Variants in DIAPH2 observed in about 807,000 individuals in gnomAD.
The protein encoded by DIAPH2 is protein diaphanous homolog 2.
DIAPH2 carries 35 observed loss-of-function variants against 92.7 expected under a neutral mutation model. The ratio of observed to expected loss-of-function variants is 0.38; its 90% CI spans 0.29 to 0.50. The LOEUF is 0.50. Ranked by LOEUF, DIAPH2 falls within the 20% of genes least tolerant of loss-of-function variation. The probability of loss-of-function intolerance (pLI) is 0.94; values close to 1 mark genes in which losing one functional copy is unlikely to be tolerated. For missense variants in DIAPH2, 701 were observed against 819.5 expected, an observed-to-expected ratio of 0.86 and a Z score of 1.77; for synonymous variants, 301 against 280.4, an observed-to-expected ratio of 1.07 and a Z score of -0.73.
intron 17 of DIAPH2, among the ~76,000 whole-genome samples, chrX:97,042,390 T>C (rs975498803): frequency 8.9e-6 from 1 of 111,981 alleles, no homozygotes; most frequent in Non-Finnish European, 1.9e-5. Context: ...GCTTCTGATT[T>C]ATGTTTTCAT....
Position 97,597,256 on chromosome X carries a change from G to A in DIAPH2, c.3242-1997G>A, listed in dbSNP as rs749388800. Among the ~76,000 whole-genome samples, 7 of 112,226 alleles carry A rather than the reference G, an allele frequency of 6.2e-5. No individual in the cohort carries two copies. In the South Asian group the frequency reaches 2.6e-3, roughly 42 times the overall value. ...TAATTCTGTTTTGTGCATGTCAAAAGCTGGATTTAGGCCCTGAACTCAATG... is the reference window on the plus strand; with the variant it reads ...TAATTCTGTTTTGTGCATGTCAAAAACTGGATTTAGGCCCTGAACTCAATG... On this transcript the variant is annotated intron_variant, in intron 26 of 26. Coordinates refer to ENST00000324765, the MANE Select transcript of DIAPH2 (RefSeq NM_006729.5).
At chrX:96,804,319 C>A (rs2064607087) in intron 4 of DIAPH2, among the ~76,000 whole-genome samples, 1 of 111,517 alleles carries the variant, frequency 9.0e-6, no homozygotes, top group Non-Finnish European at 1.9e-5. Context: ...TTTAAATATC[C>A]AAAGTAAAAC....
At chrX:97,135,094 C>G (rs1024333226) in intron 21 of DIAPH2, among the ~76,000 whole-genome samples, 4 of 111,700 alleles carry the variant, frequency 3.6e-5, no homozygotes, top group African/African-American at 1.3e-4. Context: ...GTGGGTGAGA[C>G]TAGTTGTGTA....
At chrX:97,348,388 AT>A (rs928992188) in intron 24 of DIAPH2, 108 bp downstream of exon 24, 10 of 649,396 alleles carry the variant, frequency 1.5e-5, no homozygotes, top group African/African-American at 8.7e-5. Context: ...TTCATGTGAC[AT>A]TTTTTTAATA....
chrX:96,695,982 T>C (rs932518961), intron 1 of DIAPH2, among the ~76,000 whole-genome samples: 1 of 112,886 alleles, frequency 8.9e-6, no homozygotes, highest in Non-Finnish European at 1.9e-5. Flanking sequence ...GCCTACATTG[T>C]ATTTTATGGA....
At chrX:97,164,485 G>GA (rs1195170543) in intron 22 of DIAPH2, among the ~76,000 whole-genome samples, 1 of 111,687 alleles carries the variant, frequency 9.0e-6, no homozygotes, top group Admixed American at 9.5e-5. Context: ...AAAAAGAAAA[G>GA]AAAAAAAGAG....
At chrX:97,142,626 A>G (rs948312332) in intron 22 of DIAPH2, among the ~76,000 whole-genome samples, 6 of 111,810 alleles carry the variant, frequency 5.4e-5, no homozygotes, top group Admixed American at 9.5e-5. Context: ...ATTCAGGGTA[A>G]TTAGCTTTGT....
chrX:96,783,053 G>T (rs753940842), intron 4 of DIAPH2, among the ~76,000 whole-genome samples: 20 of 112,087 alleles, frequency 1.8e-4, no homozygotes, highest in African/African-American at 6.5e-4. Context: ...CGTACGATCA[G>T]TGAAATCTTA....
intron 5 of DIAPH2, among the ~76,000 whole-genome samples, chrX:96,909,607 G>A (rs1357474871): frequency 9.0e-6 from 1 of 110,692 alleles, no homozygotes; most frequent in East Asian, 2.8e-4. Flanking sequence ...CTCATTTCAG[G>A]CTCCCATTCT....
intron 1 of DIAPH2, among the ~76,000 whole-genome samples, chrX:96,718,814 G>A (rs2063971599): frequency 9.0e-6 from 1 of 111,351 alleles, no homozygotes; most frequent in Non-Finnish European, 1.9e-5. Flanking sequence ...GGCATTGCTG[G>A]ATCATATGGT....
At chrX:97,051,033 G>A (rs1477365506) in intron 17 of DIAPH2, among the ~76,000 whole-genome samples, 2 of 111,319 alleles carry the variant, frequency 1.8e-5, no homozygotes, top group African/African-American at 3.3e-5. Context: ...CACTATAAAT[G>A]TAAGTAAGTT....
chrX:96,718,798 A>T (rs2063971531), intron 1 of DIAPH2, among the ~76,000 whole-genome samples: 1 of 111,911 alleles, frequency 8.9e-6, no homozygotes, highest in South Asian at 3.8e-4. Context: ...GTATATACTC[A>T]GCTGTGGCAT....
At chrX:96,814,259 T>G (rs2064711852) in intron 4 of DIAPH2, among the ~76,000 whole-genome samples, 1 of 111,930 alleles carries the variant, frequency 8.9e-6, no homozygotes, top group African/African-American at 3.2e-5. Flanking sequence ...CTCCTCTCGC[T>G]TTATTTCATT....
At chrX:96,773,241 C>CCG (rs1259043486) in intron 4 of DIAPH2, among the ~76,000 whole-genome samples, 1 of 84,750 alleles carries the variant, frequency 1.2e-5, no homozygotes, top group Non-Finnish European at 2.3e-5. Flanking sequence ...ATTGTTTCCC[C>CCG]CCCCCTCCCG....
intron 4 of DIAPH2, among the ~76,000 whole-genome samples, chrX:96,837,425 CTCTCTCTCTG>C (rs746143872): frequency 0.21 from 16,699 of 79,925 alleles, 1,727 homozygotes; most frequent in East Asian, 0.3. Flanking sequence ...CTCTCTCTCT[CTCTCTCTCTG>C]TGTGTGTGTG....
intron 5 of DIAPH2, among the ~76,000 whole-genome samples, chrX:96,901,432 T>C (rs753264433): frequency 4.6e-5 from 5 of 109,545 alleles, no homozygotes; most frequent in Non-Finnish European, 9.5e-5. Flanking sequence ...TAATCTTTTG[T>C]ATTTTTTTTT....
intron 25 of DIAPH2, among the ~76,000 whole-genome samples, chrX:97,426,980 C>T (rs1243751991): frequency 9.8e-6 from 1 of 101,527 alleles, no homozygotes; most frequent in Non-Finnish European, 2.0e-5. Context: ...AGTTCGAGAC[C>T]AGCCTGGCCA....
intron 17 of DIAPH2, among the ~76,000 whole-genome samples, chrX:97,056,687 T>C (rs1012583967): frequency 3.6e-5 from 4 of 112,113 alleles, no homozygotes; most frequent in African/African-American, 1.3e-4. Context: ...TTTCTTTGTA[T>C]ATCTCACTCT....
At chrX:97,173,690 C>T (rs2067470455) in intron 22 of DIAPH2, among the ~76,000 whole-genome samples, 1 of 110,913 alleles carries the variant, frequency 9.0e-6, no homozygotes, top group Admixed American at 9.7e-5. Context: ...CAAATTACTT[C>T]AGCCCAGGAG....
Sources: allele counts gnomAD v4.1 joint callset (sites outside exome capture counted in the v4.1 genomes callset), GRCh38; gene constraint gnomAD v4.1.1; transcripts MANE v1.5; gene names NCBI Gene and HGNC (gene_info 2026-07-23, HGNC 2026-07-21).